OR5A1: variants seen among roughly 807,000 people sequenced by gnomAD.
OR5A1 encodes olfactory receptor 5A1.
OR5A1 carries 6 observed loss-of-function variants against 6.7 expected under a neutral mutation model. The ratio of observed to expected loss-of-function variants is 0.89; its 90% CI spans 0.49 to 1.76. The LOEUF (loss-of-function observed/expected upper bound fraction) is 1.76. OR5A1 is among the 40% of genes most tolerant of loss of function. OR5A1 has a pLI of 0.01. For synonymous variants in OR5A1, 170 were observed against 155.0 expected (o/e 1.10, Z -0.72); for missense variants, 378 against 381.7 (o/e 0.99, Z 0.08).
rs1319733512 is a variant in OR5A1 at position 59,450,459 on chromosome 11, T to C, written c.*6343T>C. On this transcript the variant is annotated 3_prime_UTR_variant, in exon 2 of 2. Transcript: ENST00000641045. ...TGTCTTTCCCACACACCCTTTTCCA[T>C]AATAAGTCAGCTTCTTAGAACAATT... 6.6e-6 allele frequency: 1 copy of C among 152,156 alleles called. No homozygotes were observed. The highest frequency in any genetic ancestry group is 1.5e-5 in the Non-Finnish European group (1 of 68,042). The allele number at this position is 152,156 out of a possible 1,614,324, so 9.4% of individuals were successfully genotyped here.
In OR5A1 at chr11:59,444,906, T is replaced by G. The variant is rs1413134288; in HGVS notation, c.*790T>G. The G allele has an allele frequency of 1.3e-5, 2 of 152,208 alleles. No individual in the cohort carries two copies. Among genetic ancestry groups the G allele is most frequent in the Non-Finnish European group, 2.9e-5 (2 of 68,034 alleles). The allele number at this position is 152,208 out of a possible 1,614,324, so 9.4% of individuals were successfully genotyped here. A position where few individuals can be genotyped will look rare whatever the true frequency, so the allele number is the denominator to read the frequency against. On this transcript the variant is annotated 3_prime_UTR_variant, in exon 2 of 2. Transcript: ENST00000641045. The stretch of plus-strand genomic sequence containing the variant: ...TGGTGTCATACCAATACTCTTCTTT[T>G]CTCAGTCTCAGTCCCCTAAACTGCC...
At chr11:59,437,328 T>C (rs903359361) in intron 1 of OR5A1, among the ~76,000 whole-genome samples, 1 of 152,214 alleles carries the variant, frequency 6.6e-6, no homozygotes, top group Non-Finnish European at 1.5e-5. Context: ...GTGCTCTCCC[T>C]GTTCACCCTT....
In OR5A1 at chr11:59,448,769, C is replaced by T. The variant is rs965080193; in HGVS notation, c.*4653C>T. 6.6e-6 allele frequency: 1 copy of T among 152,042 alleles called. No individual in the cohort carries two copies. The highest frequency in any genetic ancestry group is 1.9e-4 in the East Asian group (1 of 5,198). The allele number at this position is 152,042 out of a possible 1,614,324, so 9.4% of individuals were successfully genotyped here. A position where few individuals can be genotyped will look rare whatever the true frequency, so the allele number is the denominator to read the frequency against. ...ATCTAGAACTGCCTGATATACAAAACGCAATAAATATGCATTTTTGGTCAA... is the reference window on the plus strand; with the variant it reads ...ATCTAGAACTGCCTGATATACAAAATGCAATAAATATGCATTTTTGGTCAA... On this transcript the variant is annotated 3_prime_UTR_variant, in exon 2 of 2. Transcript: ENST00000641045.
At position 59,444,715 on chromosome 11, in the gene OR5A1, T is replaced by C. The variant is rs1858527996; in HGVS notation, c.*599T>C. 6.6e-6 allele frequency: 1 copy of C among 152,320 alleles called. No individual in the cohort carries two copies. Among genetic ancestry groups the C allele is most frequent in the South Asian group, 2.1e-4 (1 of 4,830 alleles). The allele number at this position is 152,320 out of a possible 1,614,324, so 9.4% of individuals were successfully genotyped here. On this transcript the variant is annotated 3_prime_UTR_variant, in exon 2 of 2. Transcript: ENST00000641045. ...TACACTATGTGTAGTTAAGGTAAAT[T>C]AGAAAAACAAGATGCCTACCTCATC...
chr11:59,438,137 A>C (rs1858442577), intron 1 of OR5A1, among the ~76,000 whole-genome samples: 1 of 152,180 alleles, frequency 6.6e-6, no homozygotes, highest in African/African-American at 2.4e-5. Flanking sequence ...AGCAGATGCC[A>C]GCGCCACACT....
chr11:59,438,641 G>A (rs1858448552), intron 1 of OR5A1, among the ~76,000 whole-genome samples: 1 of 152,152 alleles, frequency 6.6e-6, no homozygotes, highest in African/African-American at 2.4e-5. Context: ...CAACTACCAA[G>A]ATGATTAAAA....
intron 1 of OR5A1, among the ~76,000 whole-genome samples, chr11:59,437,433 T>C (rs1222781904): frequency 6.6e-6 from 1 of 152,196 alleles, no homozygotes; most frequent in Non-Finnish European, 1.5e-5. Context: ...ATACCCTACG[T>C]AGCCTTTCAG....
chr11:59,442,237 G>A (rs918258166), intron 1 of OR5A1, among the ~76,000 whole-genome samples: 19 of 152,088 alleles, frequency 1.2e-4, no homozygotes, highest in Non-Finnish European at 2.5e-4. Flanking sequence ...GCCCAAGGTC[G>A]TTCGAGACCA....
In OR5A1 at chr11:59,443,886, G is replaced by A; in HGVS notation, c.718G>A (p.Ala240Thr). The part of the protein sequence containing the change: ...KIPSAEGRWK[A>T]CNTCASHLMV... The stretch of plus-strand genomic sequence containing the variant: ...CCCTTCAGCAGAGGGCCGATGGAAA[G>A]CCTGCAACACGTGTGCCTCGCATCT... Residue 240 changes from alanine to threonine, a missense_variant, in exon 2 of 2, where the codon GCC becomes ACC. Coordinates refer to ENST00000641045, the MANE Select transcript of OR5A1 (RefSeq NM_001004728.2). The A allele has an allele frequency of 4.3e-6, 7 of 1,614,116 alleles. No individual in the cohort carries two copies. The highest frequency in any genetic ancestry group is 1.3e-5 in the African/African-American group (1 of 75,026).
At position 59,446,201 on chromosome 11, in the gene OR5A1, A is replaced by AT; in HGVS notation, c.*2086dup. ...CTGGTCCATTTTCAATTTTCTGTATATGGCTAGCCAGTTTTCCCAGCACCA... is the reference window on the plus strand; with the variant it reads ...CTGGTCCATTTTCAATTTTCTGTATATTGGCTAGCCAGTTTTCCCAGCACCA... On this transcript the variant is annotated 3_prime_UTR_variant, in exon 2 of 2. Transcript: ENST00000641045. 3 of 152,264 alleles carry AT rather than the reference A, an allele frequency of 2.0e-5. No homozygotes were observed. In the South Asian group the frequency reaches 6.2e-4, roughly 32 times the overall value. The allele number at this position is 152,264 out of a possible 1,614,324, so 9.4% of individuals were successfully genotyped here. A position where few individuals can be genotyped will look rare whatever the true frequency, so the allele number is the denominator to read the frequency against.
At position 59,443,297 on chromosome 11, in the gene OR5A1, C is replaced by G; in HGVS notation, c.129C>G (p.Ala43=). The G allele has an allele frequency of 6.2e-7, 1 of 1,613,720 alleles. No individual in the cohort carries two copies. The highest frequency in any genetic ancestry group is 1.7e-4 in the Middle Eastern group (1 of 6,060). The change falls in exon 2 of 2, where the codon GCC becomes GCG. Residue 43 remains alanine, a synonymous_variant. Transcript: ENST00000641045. ...TFLGIYLTTL[A]WNLALIFLIR... is the part of the protein sequence containing the mutation. ...TGGGCATCTATCTTACCACCCTGGC[C>G]TGGAACCTGGCCCTCATTTTTCTGA... is the stretch of plus-strand genomic sequence containing the variant.
rs2134542451 is a variant in OR5A1, at chr11:59,450,219, G to A, written c.*6103G>A. On this transcript the variant is annotated 3_prime_UTR_variant, in exon 2 of 2. Coordinates refer to ENST00000641045, the MANE Select transcript of OR5A1 (RefSeq NM_001004728.2). ...TTACAAAATAGAAAGGCTATCGTTT[G>A]ATCCTGACCTCACATTGAGCCTGAT... 1 of 152,328 alleles carries A rather than the reference G, an allele frequency of 6.6e-6. No individual in the cohort carries two copies. Among genetic ancestry groups the A allele is most frequent in the African/African-American group, 2.4e-5 (1 of 41,572 alleles). The allele number at this position is 152,328 out of a possible 1,614,324, so 9.4% of individuals were successfully genotyped here.
chr11:59,441,740 C>T (rs1366027338), intron 1 of OR5A1, among the ~76,000 whole-genome samples: 1 of 152,156 alleles, frequency 6.6e-6, no homozygotes, highest in Non-Finnish European at 1.5e-5. Flanking sequence ...TTGAAAGATG[C>T]TTCATGCACT....
chr11:59,449,952 G>C lies in OR5A1; in HGVS notation c.*5836G>C, dbSNP rs531154342. 6.6e-6 allele frequency: 1 copy of C among 152,240 alleles called. No homozygotes were observed. The highest frequency in any genetic ancestry group is 2.1e-4 in the South Asian group (1 of 4,818). 9.4% of individuals were successfully genotyped at this position (152,240 alleles called of 1,614,324 possible). On this transcript the variant is annotated 3_prime_UTR_variant, in exon 2 of 2. Transcript: ENST00000641045. ...GCCTTCAGGGAGTTTACATTGGGAGGAAAAGGCAGACACACATAGACCCAT... is the reference window on the plus strand; with the variant it reads ...GCCTTCAGGGAGTTTACATTGGGAGCAAAAGGCAGACACACATAGACCCAT...
chr11:59,443,387 C>T lies in OR5A1; in HGVS notation c.219C>T (p.Asp73=), dbSNP rs1565075186. 6.2e-7 allele frequency: 1 copy of T among 1,613,816 alleles called. No homozygotes were observed. Among genetic ancestry groups the T allele is most frequent in the Non-Finnish European group, 8.5e-7 (1 of 1,179,990 alleles). The change falls in exon 2 of 2, where the codon GAC becomes GAT. Residue 73 remains aspartate, a synonymous_variant. Coordinates refer to ENST00000641045, the MANE Select transcript of OR5A1 (RefSeq NM_001004728.2). ...TCCTAAGCAACTTATCTTTCATTGA[C>T]ATCTGCTACTCTTCTGCTGTGGCTC... ...YFFLSNLSFI[D]ICYSSAVAPN...
intron 1 of OR5A1, among the ~76,000 whole-genome samples, chr11:59,439,003 A>C (rs1321512236): frequency 6.6e-6 from 1 of 152,188 alleles, no homozygotes; most frequent in East Asian, 1.9e-4. Flanking sequence ...GGATGAGAGG[A>C]AAATGGCATT....
intron 1 of OR5A1, among the ~76,000 whole-genome samples, chr11:59,442,240 C>T (rs929712281): frequency 3.3e-5 from 5 of 152,026 alleles, no homozygotes; most frequent in East Asian, 3.9e-4. Flanking sequence ...CAAGGTCGTT[C>T]GAGACCAGCC....
intron 1 of OR5A1, among the ~76,000 whole-genome samples, chr11:59,439,000 AG>A (rs1484839564): frequency 6.6e-6 from 1 of 152,204 alleles, no homozygotes; most frequent in African/African-American, 2.4e-5. Context: ...CAGGGATGAG[AG>A]GAAAATGGCA....
intron 1 of OR5A1, among the ~76,000 whole-genome samples, chr11:59,442,248 G>C (rs1357570528): frequency 6.6e-6 from 1 of 152,176 alleles, no homozygotes; most frequent in Non-Finnish European, 1.5e-5. Context: ...TTCGAGACCA[G>C]CCTGACCAAC....
Sources: gnomAD v4.1 joint callset for allele counts (sites outside exome capture counted in the v4.1 genomes callset) on GRCh38, gnomAD v4.1.1 for gene constraint, MANE v1.5 for transcripts, NCBI Gene and HGNC (gene_info 2026-07-23, HGNC 2026-07-21) for gene names.